The following USP43 variants were observed in gnomAD, a reference collection of about 807,000 sequenced individuals.
The protein encoded by USP43 is ubiquitin carboxyl-terminal hydrolase 43.
A neutral mutation model predicts 90.7 loss-of-function variants in USP43; 33 were observed. That is an observed-to-expected ratio of 0.36 (90% CI 0.28 to 0.49). The LOEUF (loss-of-function observed/expected upper bound fraction) is 0.49. Among genes scored for constraint, USP43 ranks in the 20% least tolerant of loss-of-function variants. USP43 has a pLI of 0.98. For missense variants in USP43, 1,274 were observed against 1,476.4 expected (o/e 0.86, Z 2.25); for synonymous variants, 598 against 615.8 (o/e 0.97, Z 0.43).
In USP43 at chr17:9,718,840, C is replaced by CA. The variant is rs1271650142; in HGVS notation, c.2335+6716dup. On this transcript the variant is annotated intron_variant, in intron 14 of 14. Transcript: ENST00000285199. ...GGGCAACAAGAGCAAAACTCCGTCTCAAAAAAAAGAAAAAGAAAAAAAGAA... is the reference window on the plus strand; with the variant it reads ...GGGCAACAAGAGCAAAACTCCGTCTCAAAAAAAAAGAAAAAGAAAAAAAGAA... Among the ~76,000 whole-genome samples the CA allele has an allele frequency of 3.3e-5, 5 of 150,558 alleles. No individual in the cohort carries two copies. The East Asian group carries it at 7.8e-4, about 24-fold the overall frequency.
intron 8 of USP43, among the ~76,000 whole-genome samples, chr17:9,692,378 A>G (rs1915011601): frequency 1.3e-5 from 2 of 152,300 alleles, no homozygotes; most frequent in Non-Finnish European, 2.9e-5. Context: ...AAATTTAATT[A>G]TAGCCATCCC....
chr17:9,656,713 G>T (rs1912278105), intron 2 of USP43, among the ~76,000 whole-genome samples, 179 bp downstream of exon 2: 1 of 152,086 alleles, frequency 6.6e-6, no homozygotes, highest in South Asian at 2.1e-4. Flanking sequence ...TTTACACAAG[G>T]CGTTTCCTTC....
chr17:9,716,268 T>G (rs941325714), intron 14 of USP43, among the ~76,000 whole-genome samples: 14 of 152,186 alleles, frequency 9.2e-5, no homozygotes, highest in South Asian at 8.3e-4. Context: ...TTGTGATTAG[T>G]ATACTTTACA....
chr17:9,647,848 C>CAAAAAAAAAAAAAAAAAA (rs35223665), intron 1 of USP43, among the ~76,000 whole-genome samples: 4 of 82,094 alleles, frequency 4.9e-5, no homozygotes, highest in African/African-American at 1.4e-4. Flanking sequence ...ACTAAAAATC[C>CAAAAAAAAAAAAAAAAAA]AAAAAAAAAA....
chr17:9,659,001 A>G (rs1015702548), intron 2 of USP43, among the ~76,000 whole-genome samples: 1 of 152,224 alleles, frequency 6.6e-6, no homozygotes, highest in Non-Finnish European at 1.5e-5. Flanking sequence ...GCATGTGGCC[A>G]GAAGAATGGA....
At chr17:9,667,506 C>T (rs1217233778) in intron 3 of USP43, among the ~76,000 whole-genome samples, 1 of 152,190 alleles carries the variant, frequency 6.6e-6, no homozygotes, top group Admixed American at 6.5e-5. Flanking sequence ...GAGATTCATA[C>T]AAGGCAGAAT....
intron 2 of USP43, among the ~76,000 whole-genome samples, chr17:9,663,929 T>G (rs943916186): frequency 6.6e-6 from 1 of 152,166 alleles, no homozygotes; most frequent in African/African-American, 2.4e-5. Context: ...CCAGCCTGGT[T>G]TGGACATTCT....
intron 3 of USP43, among the ~76,000 whole-genome samples, chr17:9,671,362 G>C (rs1434413475): frequency 6.6e-6 from 1 of 152,058 alleles, no homozygotes; most frequent in Non-Finnish European, 1.5e-5. Context: ...GTTTTTGAAG[G>C]CTTCCTCAGA....
Position 9,645,914 on chromosome 17 carries a change from G to A in USP43, c.282G>A (p.Gly94=). Residue 94 remains glycine, a synonymous_variant, in exon 1 of 15, where the codon GGG becomes GGA. Transcript: ENST00000285199. This position sits in a 1 kb window ranked among gnomAD's most constrained non-coding sequence, Gnocchi z 6.8. The part of the protein sequence containing the change: ...QPQLQLPAGD[G]ARPPGAQGLK... ...AGCTCCAGCTCCCCGCCGGCGATGG[G>A]GCGCGGCCGCCGGGCGCTCAGGGCT... is the stretch of plus-strand genomic sequence containing the variant. 1.4e-6 allele frequency: 2 copies of A among 1,472,854 alleles called. No individual in the cohort carries two copies. Among genetic ancestry groups the A allele is most frequent in the Non-Finnish European group, 1.8e-6 (2 of 1,115,456 alleles). 91.2% of individuals were successfully genotyped at this position (1,472,854 alleles called of 1,614,324 possible).
At chr17:9,672,156 C>T (rs1467093280) in intron 3 of USP43, among the ~76,000 whole-genome samples, 1 of 152,048 alleles carries the variant, frequency 6.6e-6, no homozygotes, top group Non-Finnish European at 1.5e-5. Context: ...GCCACCACGC[C>T]CGGCTAATTT....
intron 3 of USP43, among the ~76,000 whole-genome samples, chr17:9,668,082 C>T (rs1391964484): frequency 6.6e-6 from 1 of 152,208 alleles, no homozygotes; most frequent in Admixed American, 6.5e-5. Context: ...CCTTCAATTT[C>T]ACAGGAACTC....
At chr17:9,688,159 T>G (rs570081259) in intron 8 of USP43, among the ~76,000 whole-genome samples, 4 of 151,032 alleles carry the variant, frequency 2.6e-5, no homozygotes, top group Non-Finnish European at 5.9e-5. Context: ...CTAACTTTTT[T>G]GTATTTTTTA....
intron 3 of USP43, among the ~76,000 whole-genome samples, chr17:9,667,159 A>G (rs753957108): frequency 6.6e-6 from 1 of 152,130 alleles, no homozygotes; most frequent in African/African-American, 2.4e-5. Context: ...ATAAAAATGT[A>G]TGTACAGCCT....
At chr17:9,680,990 A>G (rs1383135686) in intron 6 of USP43, among the ~76,000 whole-genome samples, 1 of 141,246 alleles carries the variant, frequency 7.1e-6, no homozygotes, top group Admixed American at 7.8e-5. Context: ...AGACCCATAT[A>G]TATATTATAT....
intron 8 of USP43, among the ~76,000 whole-genome samples, chr17:9,689,123 G>T (rs1914774698): frequency 6.6e-6 from 1 of 152,142 alleles, no homozygotes; most frequent in South Asian, 2.1e-4. Flanking sequence ...CTTTTCTGTA[G>T]GAGTAATGTG....
At chr17:9,708,369 G>A (rs1916005877) in intron 12 of USP43, among the ~76,000 whole-genome samples, 1 of 152,216 alleles carries the variant, frequency 6.6e-6, no homozygotes, top group Admixed American at 6.5e-5. Context: ...GGGATCTAGA[G>A]TGGAAGCTGG....
chr17:9,710,411 T>C (rs1034292663), intron 13 of USP43, among the ~76,000 whole-genome samples: 1 of 152,014 alleles, frequency 6.6e-6, no homozygotes, highest in African/African-American at 2.4e-5. Context: ...CAGCAGGTTT[T>C]TTGAGGTGTA....
At chr17:9,721,702 A>G (rs1169983743) in intron 14 of USP43, among the ~76,000 whole-genome samples, 2 of 150,408 alleles carry the variant, frequency 1.3e-5, no homozygotes, top group Non-Finnish European at 3.0e-5. Context: ...ATATAATGAA[A>G]CCTTCCTGTA....
intron 6 of USP43, among the ~76,000 whole-genome samples, chr17:9,680,735 A>T (rs890484029): frequency 6.6e-6 from 1 of 152,014 alleles, no homozygotes; most frequent in Admixed American, 6.6e-5. Flanking sequence ...GAGAACCACT[A>T]TTTGGTATAG....
Sources: allele counts gnomAD v4.1 joint callset (sites outside exome capture counted in the v4.1 genomes callset), GRCh38; gene constraint gnomAD v4.1.1; non-coding constraint Gnocchi (gnomAD v3.1); transcripts MANE v1.5; gene names NCBI Gene and HGNC (gene_info 2026-07-23, HGNC 2026-07-21).